CAMK4: variants seen among roughly 807,000 people sequenced by gnomAD.
The protein encoded by CAMK4 is calcium/calmodulin-dependent protein kinase type IV.
Under a neutral mutation model 44.9 loss-of-function variants are expected in CAMK4, and 22 were observed. That is an observed-to-expected ratio of 0.49 (90% CI 0.35 to 0.70). The LOEUF is 0.70. Ranked by LOEUF, CAMK4 falls within the 30% of genes least tolerant of loss-of-function variation. CAMK4 has a pLI of 0.01. For synonymous variants in CAMK4, 218 were observed against 215.4 expected (o/e 1.01, Z -0.11); for missense variants, 498 against 586.8 (o/e 0.85, Z 1.56).
chr5:111,480,107 T>A (rs1580809311), intron 9 of CAMK4, among the ~76,000 whole-genome samples: 2 of 152,122 alleles, frequency 1.3e-5, no homozygotes, highest in East Asian at 3.9e-4. Flanking sequence ...ACTTCACATC[T>A]CTCCCCTTTG....
At chr5:111,463,129 C>A (rs1754698397) in intron 7 of CAMK4, among the ~76,000 whole-genome samples, 1 of 152,130 alleles carries the variant, frequency 6.6e-6, no homozygotes, top group African/African-American at 2.4e-5. Context: ...TGAGCAATAA[C>A]ATGAATGGTA....
At chr5:111,452,608 T>C (rs899614113) in intron 7 of CAMK4, among the ~76,000 whole-genome samples, 2 of 152,238 alleles carry the variant, frequency 1.3e-5, no homozygotes, top group African/African-American at 2.4e-5. Context: ...CTTAAATCTA[T>C]CTACTTTTTT....
chr5:111,427,866 T>C (rs1240361297), intron 5 of CAMK4, among the ~76,000 whole-genome samples: 1 of 152,226 alleles, frequency 6.6e-6, no homozygotes, highest in Non-Finnish European at 1.5e-5. Flanking sequence ...ATGCTGATTG[T>C]AGAGCCCCAG....
rs1207952355 is a variant in CAMK4 at position 111,287,881 on chromosome 5, C to G, written c.162-56143C>G. ...AATATTGTTAAGCAAAACCACCACC[C>G]AGGAAAAGAAATGGGAAATTGCCAG... is the stretch of plus-strand genomic sequence containing the variant. On this transcript the variant is annotated intron_variant, in intron 1 of 10. Coordinates refer to ENST00000282356, the MANE Select transcript of CAMK4 (RefSeq NM_001744.6). Among the ~76,000 whole-genome samples the G allele has an allele frequency of 2.0e-5, 3 of 152,134 alleles. No homozygotes were observed. The East Asian group carries it at 5.8e-4, about 29-fold the overall frequency.
intron 2 of CAMK4, among the ~76,000 whole-genome samples, chr5:111,367,124 C>A (rs1352705133): frequency 1.3e-5 from 2 of 150,092 alleles, no homozygotes; most frequent in Non-Finnish European, 3.0e-5. Context: ...GTGTCTTAGT[C>A]CATTTTCTGT....
chr5:111,242,387 A>G (rs553923755), intron 1 of CAMK4, among the ~76,000 whole-genome samples: 1 of 152,180 alleles, frequency 6.6e-6, no homozygotes, highest in Non-Finnish European at 1.5e-5. Flanking sequence ...TATTTCACAC[A>G]TTCAATAAAG....
chr5:111,243,361 ACT>A (rs1749091703), intron 1 of CAMK4, among the ~76,000 whole-genome samples: 1 of 152,156 alleles, frequency 6.6e-6, no homozygotes, highest in African/African-American at 2.4e-5. Flanking sequence ...ACTTGATCAG[ACT>A]CTGAGTGTAA....
intron 1 of CAMK4, among the ~76,000 whole-genome samples, chr5:111,299,589 C>A (rs868258538): frequency 1.5e-4 from 23 of 152,290 alleles, no homozygotes; most frequent in Middle Eastern, 3.4e-3. Flanking sequence ...ATATATTCCA[C>A]TTATATTGAA....
At chr5:111,457,378 T>A (rs1009301825) in intron 7 of CAMK4, among the ~76,000 whole-genome samples, 14 of 152,222 alleles carry the variant, frequency 9.2e-5, no homozygotes, top group Non-Finnish European at 2.9e-5. Flanking sequence ...GAACATGTCC[T>A]ATGAATATTA....
chr5:111,279,453 A>T (rs1340569427), intron 1 of CAMK4, among the ~76,000 whole-genome samples: 1 of 151,790 alleles, frequency 6.6e-6, no homozygotes, highest in Non-Finnish European at 1.5e-5. Flanking sequence ...TACATACTCA[A>T]AGATGTACCA....
intron 1 of CAMK4, among the ~76,000 whole-genome samples, chr5:111,258,284 T>C (rs1749823963): frequency 2.6e-5 from 4 of 152,218 alleles, no homozygotes; most frequent in Admixed American, 2.6e-4. Flanking sequence ...ATATTTAAGA[T>C]GTACAGCTTG....
intron 5 of CAMK4, among the ~76,000 whole-genome samples, chr5:111,443,897 A>G (rs1270584923): frequency 6.6e-6 from 1 of 152,192 alleles, no homozygotes; most frequent in African/African-American, 2.4e-5. Flanking sequence ...TATATGAGAT[A>G]TTCTATCTAT....
At position 111,224,832 on chromosome 5, in the gene CAMK4, G is replaced by A. The variant is rs1426368204; in HGVS notation, c.161+188G>A. On this transcript the variant is annotated intron_variant, in intron 1 of 10. Coordinates refer to ENST00000282356, the MANE Select transcript of CAMK4 (RefSeq NM_001744.6). This position sits in a 1 kb window ranked among gnomAD's most constrained non-coding sequence, Gnocchi z 5.7. ...CGAGTCCTTCCCACCCCACCAGAGC[G>A]CCTAGGCCGGTGCAGCTGTAGGATC... 3.3e-5 allele frequency among the ~76,000 whole-genome samples: 5 copies of A among 152,048 alleles called. No individual in the cohort carries two copies. Among genetic ancestry groups the A allele is most frequent in the African/African-American group, 1.2e-4 (5 of 41,416 alleles).
At chr5:111,317,190 A>G (rs1420159837) in intron 1 of CAMK4, among the ~76,000 whole-genome samples, 1 of 152,176 alleles carries the variant, frequency 6.6e-6, no homozygotes, top group African/African-American at 2.4e-5. Context: ...CTTTCTTCCC[A>G]GAAATTATAG....
At chr5:111,380,774 G>T (rs543771775) in intron 4 of CAMK4, among the ~76,000 whole-genome samples, 172 of 152,264 alleles carry the variant, frequency 1.1e-3, no homozygotes, top group Non-Finnish European at 1.6e-3. Flanking sequence ...TAGAATTTGA[G>T]ACCTGGAATG....
chr5:111,316,696 A>ATAT (rs753930514), intron 1 of CAMK4, among the ~76,000 whole-genome samples: 53 of 152,176 alleles, frequency 3.5e-4, no homozygotes, highest in Admixed American at 7.9e-4. Flanking sequence ...CATTGTGGTT[A>ATAT]TATTAGAAGA....
At chr5:111,270,171 G>C (rs1458833750) in intron 1 of CAMK4, 1 of 152,216 alleles carries the variant, frequency 6.6e-6, no homozygotes, top group East Asian at 1.9e-4. Context: ...CTGAGGAGAA[G>C]TGAAAACACA....
intron 1 of CAMK4, among the ~76,000 whole-genome samples, chr5:111,231,469 C>T (rs1748473623): frequency 6.6e-6 from 1 of 152,192 alleles, no homozygotes; most frequent in African/African-American, 2.4e-5. Flanking sequence ...TGTCTCTAAA[C>T]ATTGTCAAAT....
chr5:111,224,587 A>C lies in CAMK4; in HGVS notation c.104A>C (p.Asp35Ala), dbSNP rs1317630979. 36 of 1,612,064 alleles carry C rather than the reference A, an allele frequency of 2.2e-5. No homozygotes were observed. The highest frequency in any genetic ancestry group is 2.8e-5 in the Non-Finnish European group (33 of 1,179,574). Residue 35 changes from aspartate to alanine, a missense_variant, in exon 1 of 11, where the codon GAC becomes GCC. Asp to Ala is a moderately radical substitution (Grantham distance 126, BLOSUM62 -2). Coordinates refer to ENST00000282356, the MANE Select transcript of CAMK4 (RefSeq NM_001744.6). The surrounding 1 kb of genome is among the most constrained non-coding windows in gnomAD (Gnocchi z 5.7). ...TASLVPDYWIDGSNRDALSDF... is the reference protein window; with the variant it reads ...TASLVPDYWIAGSNRDALSDF... ...AGCCTCGTCCCGGATTACTGGATCG[A>C]CGGCTCCAACAGGGATGCGCTGAGC... is the stretch of plus-strand genomic sequence containing the variant.
Sources: gnomAD v4.1 joint callset for allele counts (sites outside exome capture counted in the v4.1 genomes callset) on GRCh38, gnomAD v4.1.1 for gene constraint, Gnocchi (gnomAD v3.1) non-coding constraint, MANE v1.5 for transcripts, NCBI Gene and HGNC (gene_info 2026-07-23, HGNC 2026-07-21) for gene names.